NFIA: variants seen among roughly 807,000 people sequenced by gnomAD.
NFIA encodes nuclear factor I A, also known as nuclear factor 1 A-type.
NFIA carries 8 observed loss-of-function variants against 62.8 expected under a neutral mutation model. The ratio of observed to expected loss-of-function variants is 0.13; its 90% CI spans 0.07 to 0.23. NFIA has a LOEUF of 0.23. NFIA is among the 10% of genes least tolerant of loss of function. The pLI is 1.00. For synonymous variants in NFIA, 235 were observed against 238.1 expected, an observed-to-expected ratio of 0.99 and a Z score of 0.12; for missense variants, 410 against 642.1, an observed-to-expected ratio of 0.64 and a Z score of 3.91.
Position 61,088,377 on chromosome 1 carries a change from G to A in NFIA, c.256G>A (p.Glu86Lys). Residue 86 changes from glutamate to lysine, a missense_variant, in exon 2 of 11, where the codon GAA (glutamate) becomes AAA (lysine). Glu to Lys is a moderately conservative substitution (Grantham distance 56, BLOSUM62 1). Around this residue, in one of 3 missense-constraint regions of NFIA, gnomAD observed 86 missense variants for 124.6 expected, o/e 0.69. Transcript: ENST00000403491. This position sits in a 1 kb window ranked among gnomAD's most constrained non-coding sequence, Gnocchi z 4.5. ...AAAGTTGCGGAAAGATATCCGACCC[G>A]AATATCGAGAGGATTTTGTTCTTAC... is the stretch of plus-strand genomic sequence containing the variant. ...LAKLRKDIRPEYREDFVLTVT... is the reference protein window; with the variant it reads ...LAKLRKDIRPKYREDFVLTVT... The A allele has an allele frequency of 1.2e-6, 2 of 1,613,798 alleles. No homozygotes were observed. Among genetic ancestry groups the A allele is most frequent in the Non-Finnish European group, 1.7e-6 (2 of 1,179,966 alleles).
At chr1:61,257,255 G>A (rs1570464312) in intron 2 of NFIA, among the ~76,000 whole-genome samples, 1 of 151,504 alleles carries the variant, frequency 6.6e-6, no homozygotes, top group East Asian at 1.9e-4. Context: ...CTCTGTAGCA[G>A]GATAAGCATG....
Position 61,394,178 on chromosome 1 carries a change from C to A in NFIA, c.1076-9926C>A, listed in dbSNP as rs114560617. 3.4e-3 allele frequency among the ~76,000 whole-genome samples: 515 copies of A among 152,184 alleles called. 1 individual carries two copies. The highest frequency in any genetic ancestry group is 0.012 in the African/African-American group (502 of 41,536). On this transcript the variant is annotated intron_variant, in intron 7 of 10. Transcript: ENST00000403491. ...AAATTGCGCTATTCTTTCTTACCCC[C>A]CTCTGCCCCACCCAAGACAGAGTCT...
chr1:61,248,161 C>G (rs749659627), intron 2 of NFIA, among the ~76,000 whole-genome samples: 2 of 152,186 alleles, frequency 1.3e-5, no homozygotes, highest in South Asian at 2.1e-4. Flanking sequence ...AGCTCACCCT[C>G]AACTAGCTGT....
At chr1:61,442,367 AATGAG>A (rs1667625290) in intron 10 of NFIA, among the ~76,000 whole-genome samples, 2 of 152,224 alleles carry the variant, frequency 1.3e-5, no homozygotes, top group Admixed American at 6.5e-5. Flanking sequence ...GTATAAATGA[AATGAG>A]ATTAGATCTG....
At chr1:61,081,670 C>T (rs781254105), upstream of NFIA, 2 of 510,652 alleles carry the variant, frequency 3.9e-6, no homozygotes, top group Non-Finnish European at 7.1e-6. Flanking sequence ...AGGGATAACG[C>T]TCATTAATCT....
intron 2 of NFIA, among the ~76,000 whole-genome samples, chr1:61,270,641 G>A (rs1484318085): frequency 6.6e-6 from 1 of 152,158 alleles, no homozygotes; most frequent in Non-Finnish European, 1.5e-5. Context: ...TAATCTTCAA[G>A]TATATATCAT....
At chr1:61,306,269 C>CTTTTTTTTTTATTTTTTTTTTTTTTTTTT (rs1659787330) in intron 3 of NFIA, among the ~76,000 whole-genome samples, 1 of 60,614 alleles carries the variant, frequency 1.6e-5, no homozygotes, top group Non-Finnish European at 2.7e-5. Context: ...AGATTTTGTT[C>CTTTTTTTTTTATTTTTTTTTTTTTTTTTT]TTTTTTTTTT....
chr1:61,291,749 T>C (rs1658893494), intron 3 of NFIA, among the ~76,000 whole-genome samples: 3 of 152,324 alleles, frequency 2.0e-5, no homozygotes, highest in Middle Eastern at 6.8e-3. Flanking sequence ...AGGTTTTCAA[T>C]GTATTGACTA....
At chr1:61,235,234 G>A (rs1220095306) in intron 2 of NFIA, among the ~76,000 whole-genome samples, 2 of 152,200 alleles carry the variant, frequency 1.3e-5, no homozygotes, top group East Asian at 1.9e-4. Context: ...AGGCCGAGGC[G>A]TGTGGATCAT....
At chr1:61,349,751 TA>T (rs869147916) in intron 4 of NFIA, among the ~76,000 whole-genome samples, 8 of 151,950 alleles carry the variant, frequency 5.3e-5, no homozygotes, top group Non-Finnish European at 1.2e-4. Context: ...ATTTAATTTT[TA>T]AAAAAAATAT....
chr1:61,222,865 T>A (rs1266774095), intron 2 of NFIA, among the ~76,000 whole-genome samples: 1 of 152,072 alleles, frequency 6.6e-6, no homozygotes, highest in Non-Finnish European at 1.5e-5. Context: ...AATATACTTT[T>A]CATGTGCAGT....
At chr1:61,182,101 G>A (rs1289358034) in intron 2 of NFIA, among the ~76,000 whole-genome samples, 2 of 152,112 alleles carry the variant, frequency 1.3e-5, no homozygotes, top group African/African-American at 2.4e-5. Context: ...AATTCTTTCT[G>A]TATTTGTATT....
At chr1:61,428,666 G>A (rs1163897627) in intron 10 of NFIA, among the ~76,000 whole-genome samples, 5 of 151,922 alleles carry the variant, frequency 3.3e-5, no homozygotes, top group South Asian at 4.1e-4. Flanking sequence ...TTAGATATAC[G>A]TAGATATAGA....
chr1:61,166,635 T>C (rs983879153), intron 2 of NFIA, among the ~76,000 whole-genome samples: 9 of 152,036 alleles, frequency 5.9e-5, no homozygotes, highest in Non-Finnish European at 1.3e-4. Flanking sequence ...GGTAAATATA[T>C]GATAATGTAC....
chr1:61,187,275 C>T (rs990337784), intron 2 of NFIA, among the ~76,000 whole-genome samples: 1 of 152,058 alleles, frequency 6.6e-6, no homozygotes, highest in Non-Finnish European at 1.5e-5. Context: ...CTGCCCGAGC[C>T]CCCCTTCTCA....
At chr1:61,193,840 C>T (rs1651813710) in intron 2 of NFIA, among the ~76,000 whole-genome samples, 1 of 152,168 alleles carries the variant, frequency 6.6e-6, no homozygotes, top group African/African-American at 2.4e-5. Flanking sequence ...AAAAGGCAAA[C>T]ATCCCACTTT....
chr1:61,312,016 C>T (rs1660146136), intron 3 of NFIA, among the ~76,000 whole-genome samples: 1 of 152,182 alleles, frequency 6.6e-6, no homozygotes, highest in African/African-American at 2.4e-5. Context: ...TCTCCCGTGG[C>T]CTTTACTGGG....
intron 5 of NFIA, among the ~76,000 whole-genome samples, chr1:61,357,149 C>T (rs1662997508): frequency 6.6e-6 from 1 of 152,238 alleles, no homozygotes; most frequent in Non-Finnish European, 1.5e-5. Flanking sequence ...TCCTAAACAG[C>T]TGGCAGTTCT....
intron 2 of NFIA, among the ~76,000 whole-genome samples, chr1:61,239,156 TTTAATTTTA>T (rs1655181406): frequency 6.6e-6 from 1 of 152,192 alleles, no homozygotes; most frequent in African/African-American, 2.4e-5. Flanking sequence ...GAATGACACT[TTTAATTTTA>T]AATGTATCCA....
Sources: gnomAD v4.1 joint callset for allele counts (sites outside exome capture counted in the v4.1 genomes callset) on GRCh38, gnomAD v4.1.1 for gene constraint, gnomAD v4.1.1 regional missense constraint, Gnocchi (gnomAD v3.1) non-coding constraint, MANE v1.5 for transcripts, NCBI Gene and HGNC (gene_info 2026-07-23, HGNC 2026-07-21) for gene names.